LAMB2: variants seen among roughly 807,000 people sequenced by gnomAD.
The protein encoded by LAMB2 is laminin subunit beta-2.
LAMB2 carries 119 observed loss-of-function variants against 202.7 expected under a neutral mutation model. That is an observed-to-expected ratio of 0.59 (90% CI 0.51 to 0.68). The LOEUF is 0.68. Among genes scored for constraint, LAMB2 ranks in the 30% least tolerant of loss-of-function variants. LAMB2 has a pLI of 0.00. For synonymous variants in LAMB2, 818 were observed against 902.2 expected (o/e 0.91, Z 1.67); for missense variants, 2,124 against 2,410.6 (o/e 0.88, Z 2.49).
rs199978262 is a variant in LAMB2, at chr3:49,123,746, T to C, written c.3779A>G (p.Glu1260Gly). ...TCCGCACCGCAGCTCCTCTGTGGCC[T>C]CCACAAGCTGTGCAGTGGAGGCGGC... ...TSAASTAQLV[E>G]ATEELRREIG... The change falls in exon 24 of 32, where the codon GAG becomes GGG. Residue 1260 changes from glutamate (E) to glycine (G), a missense_variant. Glu to Gly is a moderately conservative substitution (Grantham distance 98). Around this residue, in one of 3 missense-constraint regions of LAMB2, gnomAD observed 1,702 missense variants for 1,896.3 expected, o/e 0.90. Coordinates refer to ENST00000305544, the MANE Select transcript of LAMB2 (RefSeq NM_002292.4). 6.2e-7 allele frequency: 1 copy of C among 1,613,458 alleles called. No homozygotes were observed. Among genetic ancestry groups the C allele is most frequent in the Non-Finnish European group, 8.5e-7 (1 of 1,180,032 alleles).
Position 49,129,639 on chromosome 3 carries a change from G to A in LAMB2, c.1483C>T (p.Arg495Cys), listed in dbSNP as rs1471365339. 14 of 1,613,992 alleles carry A rather than the reference G, an allele frequency of 8.7e-6. No homozygotes were observed. The highest frequency in any genetic ancestry group is 1.3e-5 in the African/African-American group (1 of 74,928). The change falls in exon 11 of 32, where the codon CGT becomes TGT. Residue 495 changes from arginine (R) to cysteine (C), a missense_variant. Around this residue, in one of 3 missense-constraint regions of LAMB2, gnomAD observed 1,702 missense variants for 1,896.3 expected, o/e 0.90. Transcript: ENST00000305544. The surrounding 1 kb of genome is among the most constrained non-coding windows in gnomAD (Gnocchi z 6.1). ...TCACATCCACGTCCAGTCACTAGAC[G>A]TTTGCAGTAACAGGATCCACTGTTG... ...DPNSGSCYCK[R>C]LVTGRGCDRC...
chr3:49,130,173 C>A lies in LAMB2; in HGVS notation c.1225+58G>T. On this transcript the variant is annotated intron_variant, in intron 9 of 31. Coordinates refer to ENST00000305544, the MANE Select transcript of LAMB2 (RefSeq NM_002292.4). The surrounding 1 kb of genome is among the most constrained non-coding windows in gnomAD (Gnocchi z 5.0). ...TCCTGCAATTTAGACAGCAGTCCAG[C>A]TCTCTAGTTCCTGCCCCAGGCTCAG... The A allele has an allele frequency of 6.2e-7, 1 of 1,603,498 alleles. No homozygotes were observed. The highest frequency in any genetic ancestry group is 8.5e-7 in the Non-Finnish European group (1 of 1,172,854).
Position 49,129,419 on chromosome 3 carries a change from C to A in LAMB2, c.1519-95G>T. On this transcript the variant is annotated intron_variant, in intron 11 of 31. Coordinates refer to ENST00000305544, the MANE Select transcript of LAMB2 (RefSeq NM_002292.4). The surrounding 1 kb of genome is among the most constrained non-coding windows in gnomAD (Gnocchi z 6.1). ...CAACCACACGTCTTAGCCTCAATCA[C>A]CCCTCAGTGAAAACATGCCCCCCAG... 3 of 1,218,560 alleles carry A rather than the reference C, an allele frequency of 2.5e-6. No homozygotes were observed. The highest frequency in any genetic ancestry group is 3.6e-6 in the Non-Finnish European group (3 of 842,636). The allele number at this position is 1,218,560 out of a possible 1,614,324, so 75.5% of individuals were successfully genotyped here.
In LAMB2 at chr3:49,130,537, C is replaced by T; in HGVS notation, c.1037-118G>A. 1 of 1,373,980 alleles carries T rather than the reference C, an allele frequency of 7.3e-7. No individual in the cohort carries two copies. 85.1% of individuals were successfully genotyped at this position (1,373,980 alleles called of 1,614,324 possible). On this transcript the variant is annotated intron_variant, in intron 8 of 31. Coordinates refer to ENST00000305544, the MANE Select transcript of LAMB2 (RefSeq NM_002292.4). The surrounding 1 kb of genome is among the most constrained non-coding windows in gnomAD (Gnocchi z 5.0). ...GAATTTGTGGGTAGGGGCTCAGGGA[C>T]TTCAAGGCCTCAGCATCATACTGGT...
chr3:49,131,454 G>A lies in LAMB2; in HGVS notation c.649-12C>T. 1.2e-6 allele frequency: 2 copies of A among 1,614,096 alleles called. No individual in the cohort carries two copies. The highest frequency in any genetic ancestry group is 1.7e-6 in the Non-Finnish European group (2 of 1,180,010). ...ACACGATAGATGACCTGGAGAAGCAGGGAGTTCATAGTCACACTGGACCTT... is the reference window on the plus strand; with the variant it reads ...ACACGATAGATGACCTGGAGAAGCAAGGAGTTCATAGTCACACTGGACCTT... On this transcript the variant is annotated splice_polypyrimidine_tract_variant and intron_variant, in intron 5 of 31. Transcript: ENST00000305544. This position sits in a 1 kb window ranked among gnomAD's most constrained non-coding sequence, Gnocchi z 5.0.
At chr3:49,125,663 C>T (rs2045405863) in intron 18 of LAMB2, 84 bp downstream of exon 18, 1 of 1,560,226 alleles carries the variant, frequency 6.4e-7, no homozygotes, top group South Asian at 1.2e-5. Flanking sequence ...TTTGAGGAAA[C>T]CAGCAGCAGG....
Position 49,123,872 on chromosome 3 carries a change from A to T in LAMB2, c.3653T>A (p.Leu1218Ter). 1 of 1,613,478 alleles carries T rather than the reference A, an allele frequency of 6.2e-7. No individual in the cohort carries two copies. The highest frequency in any genetic ancestry group is 1.7e-5 in the Admixed American group (1 of 60,026). The change falls in exon 24 of 32, where the codon TTG becomes TAG. Residue 1218 changes from leucine to a stop codon, truncating the protein, a stop_gained. Coordinates refer to ENST00000305544, the MANE Select transcript of LAMB2 (RefSeq NM_002292.4). LOFTEE classifies it high-confidence loss of function. The stretch of plus-strand genomic sequence containing the variant: ...GGCACCCAGCACACCCGTCTGTTGC[A>T]ACTCCTGCGCCCGCTGCTCTAGGCG... ...TQRLEQRAQE[L>*]QQTGVLGAFE...
chr3:49,126,622 G>A (rs764266601), intron 15 of LAMB2, 125 bp from the exon 16 acceptor site: 162 of 1,248,584 alleles, frequency 1.3e-4, no homozygotes, highest in Non-Finnish European at 1.7e-4. Flanking sequence ...GCTGGGTTGC[G>A]TTGGGCTGCG....
rs749456782 is a variant in LAMB2 at position 49,129,265 on chromosome 3, C to G, written c.1578G>C (p.Val526=). ...LLGCRPCDCD[V]GGALDPQCDE... is the part of the protein sequence containing the mutation. The stretch of plus-strand genomic sequence containing the variant: ...CTTACTGGGGATCCAAAGCACCACC[C>G]ACGTCGCAGTCACAGGGGCGGCAGC... Residue 526 remains valine, a synonymous_variant, in exon 12 of 32, where the codon GTG becomes GTC. Coordinates refer to ENST00000305544, the MANE Select transcript of LAMB2 (RefSeq NM_002292.4). The surrounding 1 kb of genome is among the most constrained non-coding windows in gnomAD (Gnocchi z 6.1). The G allele has an allele frequency of 1.2e-6, 2 of 1,613,950 alleles. No homozygotes were observed. The highest frequency in any genetic ancestry group is 1.7e-6 in the Non-Finnish European group (2 of 1,179,924).
At position 49,130,262 on chromosome 3, in the gene LAMB2, G is replaced by C. The variant is rs758050976; in HGVS notation, c.1194C>G (p.Thr398=). The C allele has an allele frequency of 6.2e-7, 1 of 1,614,242 alleles. No homozygotes were observed. The highest frequency in any genetic ancestry group is 8.5e-7 in the Non-Finnish European group (1 of 1,180,052). Residue 398 remains threonine, a synonymous_variant, in exon 9 of 32, where the codon ACC becomes ACG. Coordinates refer to ENST00000305544, the MANE Select transcript of LAMB2 (RefSeq NM_002292.4). The surrounding 1 kb of genome is among the most constrained non-coding windows in gnomAD (Gnocchi z 5.0). Reference sequence around the variant, plus strand: ...ACACAGCCGGATCCCGCAGGTCCTTGGTTGGGTCACGGTAGAAGAAGGGCC... The same window carrying C: ...ACACAGCCGGATCCCGCAGGTCCTTCGTTGGGTCACGGTAGAAGAAGGGCC... ...LCRPFFYRDP[T]KDLRDPAVCR...
rs2045446028 is a variant in LAMB2, at chr3:49,128,585, C to T, written c.1891G>A (p.Val631Ile). 4 of 1,614,116 alleles carry T rather than the reference C, an allele frequency of 2.5e-6. No homozygotes were observed. Among genetic ancestry groups the T allele is most frequent in the Non-Finnish European group, 1.7e-6 (2 of 1,180,038 alleles). ...YDLLLRLEPQ[V>I]PEQWAELELI... ...TCCAACTCTGCCCATTGCTCAGGGA[C>T]CTGGGAAAACGGGATGATGGAGGAG... Residue 631 changes from valine to isoleucine, a missense_variant and splice_region_variant, in exon 15 of 32, where the codon GTC (valine) becomes ATC (isoleucine). Transcript: ENST00000305544.
rs944951848 is a variant in LAMB2, at chr3:49,121,809, T to C, written c.4975A>G (p.Arg1659Gly). 6.2e-7 allele frequency: 1 copy of C among 1,613,210 alleles called. No individual in the cohort carries two copies. The highest frequency in any genetic ancestry group is 1.7e-5 in the Admixed American group (1 of 60,008). Residue 1659 changes from arginine (R) to glycine (G), a missense_variant, in exon 30 of 32, where the codon AGG becomes GGG. Arg to Gly is a moderately radical substitution (Grantham distance 125). Coordinates refer to ENST00000305544, the MANE Select transcript of LAMB2 (RefSeq NM_002292.4). Reference sequence around the variant, plus strand: ...AGGAGAGCATCCAACTGCCGAGCCCTTTCACCTGCAGAGCTCAGTGCCCGC... The same window carrying C: ...AGGAGAGCATCCAACTGCCGAGCCCCTTCACCTGCAGAGCTCAGTGCCCGC... ...AERALSSAGE[R>G]ARQLDALLEA...
Position 49,124,458 on chromosome 3 carries a change from A to G in LAMB2, c.3264T>C (p.Ser1088=). Residue 1088 remains serine (S), a synonymous_variant, in exon 22 of 32, where the codon AGT becomes AGC. Transcript: ENST00000305544. ...RCAPNFWNLT[S]GHGCQPCACH... is the part of the protein sequence containing the mutation. ...AGGCACAAGGCTGGCAACCATGGCC[A>G]CTGGTGAGGTTCCAGAAGTTGGGGG... 6.2e-7 allele frequency: 1 copy of G among 1,613,688 alleles called. No homozygotes were observed. The highest frequency in any genetic ancestry group is 8.5e-7 in the Non-Finnish European group (1 of 1,180,042).
intron 15 of LAMB2, among the ~76,000 whole-genome samples, chr3:49,128,227 T>G (rs1221786524): frequency 6.6e-6 from 1 of 152,190 alleles, no homozygotes; most frequent in Non-Finnish European, 1.5e-5. Flanking sequence ...TTCCCATTAA[T>G]TCCTGCCTTG....
At chr3:49,123,082 G>C (rs755738660) in intron 26 of LAMB2, 30 bp from the exon 27 acceptor site, 1 of 1,606,742 alleles carries the variant, frequency 6.2e-7, no homozygotes, top group African/African-American at 1.3e-5. Context: ...TCAGGGCCCT[G>C]TGAGAGGAAC....
chr3:49,121,595 G>T lies in LAMB2; in HGVS notation c.5101-3C>A, dbSNP rs746464103. On this transcript the variant is annotated splice_polypyrimidine_tract_variant and splice_region_variant and intron_variant, in intron 30 of 31. Transcript: ENST00000305544. ...TCACCCAGAGGACCGCGTAGCAGCT[G>T]CAGATGTAGAGGGTTAGGTTAGCGT... 1 of 1,614,008 alleles carries T rather than the reference G, an allele frequency of 6.2e-7. No homozygotes were observed. The highest frequency in any genetic ancestry group is 8.5e-7 in the Non-Finnish European group (1 of 1,180,034).
At chr3:49,127,913 G>A (rs1482486797) in intron 15 of LAMB2, among the ~76,000 whole-genome samples, 1 of 150,278 alleles carries the variant, frequency 6.7e-6, no homozygotes. Flanking sequence ...CCAGCTACTC[G>A]GGATGCTGAC....
rs374189761 is a variant in LAMB2 at position 49,124,031 on chromosome 3, C to T, written c.3494G>A (p.Arg1165His). The T allele has an allele frequency of 3.5e-5, 56 of 1,613,484 alleles. No individual in the cohort carries two copies. Among genetic ancestry groups the T allele is most frequent in the Non-Finnish European group, 4.2e-5 (50 of 1,180,020 alleles). Reference sequence around the variant, plus strand: ...ACAGCGCACACCAGACACCCCTGGGCGGCAGCTGCAGTGACCTGTGAAGCG... The same window carrying T: ...ACAGCGCACACCAGACACCCCTGGGTGGCAGCTGCAGTGACCTGTGAAGCG... ...CHRFTGHCSC[R>H]PGVSGVRCDQ... Residue 1165 changes from arginine to histidine, a missense_variant, in exon 24 of 32, where the codon CGC (arginine) becomes CAC (histidine). Arg to His is a conservative substitution (Grantham distance 29). This residue lies in a region of LAMB2 where 1,702 missense variants were observed against 1,896.3 expected (regional missense o/e 0.90). Transcript: ENST00000305544.
chr3:49,131,244 A>G lies in LAMB2; in HGVS notation c.713-92T>C. The G allele has an allele frequency of 6.8e-7, 1 of 1,471,204 alleles. No individual in the cohort carries two copies. The allele number at this position is 1,471,204 out of a possible 1,614,324, so 91.1% of individuals were successfully genotyped here. Reference sequence around the variant, plus strand: ...TCAGCTGCCAAGGTCACCTTGAAAGACCTCCTATACACTGCCACCCGAGCT... The same window carrying G: ...TCAGCTGCCAAGGTCACCTTGAAAGGCCTCCTATACACTGCCACCCGAGCT... On this transcript the variant is annotated intron_variant, in intron 6 of 31. Transcript: ENST00000305544. This position sits in a 1 kb window ranked among gnomAD's most constrained non-coding sequence, Gnocchi z 5.0.
Sources: gnomAD v4.1 joint callset for allele counts (sites outside exome capture counted in the v4.1 genomes callset) on GRCh38, gnomAD v4.1.1 for gene constraint, gnomAD v4.1.1 regional missense constraint, Gnocchi (gnomAD v3.1) non-coding constraint, MANE v1.5 for transcripts, NCBI Gene and HGNC (gene_info 2026-07-23, HGNC 2026-07-21) for gene names.